GAB4: variants seen among roughly 807,000 people sequenced by gnomAD.
GAB4 encodes GRB2-associated-binding protein 4.
GAB4 carries 26 observed loss-of-function variants against 51.3 expected under a neutral mutation model. The observed-to-expected ratio is 0.51, with a 90% CI of 0.37 to 0.70. The LOEUF (loss-of-function observed/expected upper bound fraction) is 0.70. GAB4 is among the 30% of genes least tolerant of loss of function. GAB4 has a pLI of 0.00. For missense variants in GAB4, 759 were observed against 734.6 expected (o/e 1.03, Z -0.38); for synonymous variants, 329 against 291.2 (o/e 1.13, Z -1.32).
At chr22:16,985,430 C>A (rs2060859318) in intron 3 of GAB4, among the ~76,000 whole-genome samples, 1 of 152,318 alleles carries the variant, frequency 6.6e-6, no homozygotes, top group East Asian at 1.9e-4. Context: ...AATCTCAGTT[C>A]TTTCAAGAGT....
intron 3 of GAB4, among the ~76,000 whole-genome samples, chr22:16,985,326 G>A (rs2060858667): frequency 6.6e-6 from 1 of 152,218 alleles, no homozygotes; most frequent in Non-Finnish European, 1.5e-5. Flanking sequence ...TCTCTAAACT[G>A]TGGGTCAACT....
intron 3 of GAB4, among the ~76,000 whole-genome samples, chr22:16,976,386 C>T (rs4819930): frequency 0.81 from 123,021 of 152,164 alleles, 50,432 homozygotes; most frequent in African/African-American, 0.95. Flanking sequence ...CAAGTATCAA[C>T]AGACAAGTCC....
chr22:16,969,392 G>A (rs2060710514), intron 4 of GAB4, among the ~76,000 whole-genome samples: 2 of 152,250 alleles, frequency 1.3e-5, no homozygotes, highest in African/African-American at 4.8e-5. Flanking sequence ...CTCCCTTAGT[G>A]GAGGCCAAGT....
Position 16,964,824 on chromosome 22 carries a change from G to A in GAB4, c.1418C>T (p.Ser473Phe). 1 of 1,614,100 alleles carries A rather than the reference G, an allele frequency of 6.2e-7. No individual in the cohort carries two copies. The highest frequency in any genetic ancestry group is 2.2e-5 in the East Asian group (1 of 44,878). Residue 473 changes from serine to phenylalanine, a missense_variant, in exon 8 of 10, where the codon TCC (serine) becomes TTC (phenylalanine). Transcript: ENST00000400588. ...GTCTGTGTTGGTGATGCTCTGCGTG[G>A]AGATGGGGTGTTGGGAGGAGCTGGA... is the stretch of plus-strand genomic sequence containing the variant. ...FDSSSSQHPISTQSITNTDSE... is the reference protein window; with the variant it reads ...FDSSSSQHPIFTQSITNTDSE...
At chr22:16,995,430 G>A (rs956495963) in intron 1 of GAB4, among the ~76,000 whole-genome samples, 4 of 152,318 alleles carry the variant, frequency 2.6e-5, no homozygotes, top group African/African-American at 9.6e-5. Flanking sequence ...GAAGAGCACA[G>A]CGTATCTCCC....
At chr22:16,992,368 A>T (rs983087805) in intron 1 of GAB4, among the ~76,000 whole-genome samples, 192 bp from the exon 2 acceptor site, 1 of 152,248 alleles carries the variant, frequency 6.6e-6, no homozygotes, top group Non-Finnish European at 1.5e-5. Flanking sequence ...CTATGTCAAC[A>T]GAGTCTCATC....
At chr22:17,007,296 T>C (rs1272577100) in intron 1 of GAB4, among the ~76,000 whole-genome samples, 1 of 152,236 alleles carries the variant, frequency 6.6e-6, no homozygotes, top group Non-Finnish European at 1.5e-5. Context: ...TCTTCTTTTT[T>C]TCTAAATCGT....
rs1378896503 is a variant in GAB4 at position 16,964,574 on chromosome 22, AGACCATCATCTTCC to A, written c.1476+178_1476+191del. Among the ~76,000 whole-genome samples, 4 of 152,100 alleles carry A rather than the reference AGACCATCATCTTCC, an allele frequency of 2.6e-5. No individual in the cohort carries two copies. In the South Asian group the frequency reaches 8.3e-4, roughly 32 times the overall value. On this transcript the variant is annotated intron_variant, in intron 8 of 9. Transcript: ENST00000400588. The stretch of plus-strand genomic sequence containing the variant: ...TCAAGTTCCAGACTTCCTTGAGGGG[AGACCATCATCTTCC>A]TAACCCTAATGATTGCCTGATACAC...
In GAB4 at chr22:17,008,040, C is replaced by A; in HGVS notation, c.75G>T (p.Trp25Cys). ...TTCCGCCGGCGGGGCCACTTCCGGG[C>A]CACGAAGACAAAGGCGCAAATGCCG... is the stretch of plus-strand genomic sequence containing the variant. ...PDPAFAPLSS[W>C]PGSGPAGGST... The change falls in exon 1 of 10, where the codon TGG (tryptophan) becomes TGT (cysteine). Residue 25 changes from tryptophan to cysteine, a missense_variant. By Grantham distance (215) the Trp-to-Cys change is radical (BLOSUM62 -2). Around this residue, in one of 3 missense-constraint regions of GAB4, gnomAD observed 83 missense variants for 73.1 expected, o/e 1.14. Transcript: ENST00000400588. 1 of 1,608,600 alleles carries A rather than the reference C, an allele frequency of 6.2e-7. No individual in the cohort carries two copies. Among genetic ancestry groups the A allele is most frequent in the Admixed American group, 1.7e-5 (1 of 59,256 alleles).
At chr22:16,982,083 G>A (rs1473211029) in intron 3 of GAB4, among the ~76,000 whole-genome samples, 1 of 152,090 alleles carries the variant, frequency 6.6e-6, no homozygotes, top group Non-Finnish European at 1.5e-5. Flanking sequence ...GGCTTTACAT[G>A]CAAAACCCAC....
At position 16,987,986 on chromosome 22, in the gene GAB4, G is replaced by A. The variant is rs762662155; in HGVS notation, c.660C>T (p.His220=). ...TTGCATGTTCTGCTCTCTGGCTGGC[G>A]TGCTGGTGCGAGCGGAGACACCCCG... is the stretch of plus-strand genomic sequence containing the variant. ...APPGCLRSHQ[H]ASQRAEHARS... is the part of the protein sequence containing the mutation. The change falls in exon 3 of 10, where the codon CAC becomes CAT. Residue 220 remains histidine (H), a synonymous_variant. Transcript: ENST00000400588. 1.3e-5 allele frequency: 21 copies of A among 1,607,284 alleles called. No homozygotes were observed. Among genetic ancestry groups the A allele is most frequent in the Middle Eastern group, 1.9e-4 (1 of 5,336 alleles).
At chr22:16,990,325 T>A (rs2060903721) in intron 2 of GAB4, among the ~76,000 whole-genome samples, 1 of 152,190 alleles carries the variant, frequency 6.6e-6, no homozygotes, top group Non-Finnish European at 1.5e-5. Flanking sequence ...CAAAACTCAG[T>A]GAGGGCAGAG....
At chr22:16,992,692 T>C (rs2060923618) in intron 1 of GAB4, among the ~76,000 whole-genome samples, 2 of 152,234 alleles carry the variant, frequency 1.3e-5, no homozygotes, top group African/African-American at 4.8e-5. Flanking sequence ...GAAACCCTTC[T>C]AAAACTTCTC....
At position 16,966,367 on chromosome 22, in the gene GAB4, A is replaced by G. The variant is rs761360570; in HGVS notation, c.1024-3T>C. 6 of 1,610,032 alleles carry G rather than the reference A, an allele frequency of 3.7e-6. No homozygotes were observed. The South Asian group carries it at 4.4e-5, about 12-fold the overall frequency. On this transcript the variant is annotated splice_region_variant and splice_polypyrimidine_tract_variant and intron_variant, in intron 5 of 9. Coordinates refer to ENST00000400588, the MANE Select transcript of GAB4 (RefSeq NM_001037814.1). ...AGGCCCACAAGCGTTCTTCCTGGCT[A>G]GGAAGAGGACAGTGAAAGAAACACA... is the stretch of plus-strand genomic sequence containing the variant.
intron 3 of GAB4, among the ~76,000 whole-genome samples, chr22:16,980,850 C>T (rs527474449): frequency 6.6e-6 from 1 of 152,280 alleles, no homozygotes; most frequent in South Asian, 2.1e-4. Context: ...AGTTCACGTC[C>T]TTTGCAGGGA....
At position 16,962,530 on chromosome 22, in the gene GAB4, C is replaced by A. The variant is rs1433199991; in HGVS notation, c.*203G>T. 3.1e-5 allele frequency: 13 copies of A among 425,752 alleles called. No individual in the cohort carries two copies. Among genetic ancestry groups the A allele is most frequent in the African/African-American group, 6.0e-5 (3 of 49,610 alleles). 26.4% of individuals were successfully genotyped at this position (425,752 alleles called of 1,614,324 possible). A position where few individuals can be genotyped will look rare whatever the true frequency, so the allele number is the denominator to read the frequency against. ...GGAAGAGACTGAGGATGCTTGCTGG[C>A]AACTGCTCCTAGCAAGGGGGTGAAG... On this transcript the variant is annotated 3_prime_UTR_variant, in exon 10 of 10. Coordinates refer to ENST00000400588, the MANE Select transcript of GAB4 (RefSeq NM_001037814.1).
chr22:17,003,446 T>A (rs2061014721), intron 1 of GAB4, among the ~76,000 whole-genome samples: 1 of 152,124 alleles, frequency 6.6e-6, no homozygotes, highest in African/African-American at 2.4e-5. Context: ...AAAACACTCC[T>A]CAGCAAATGT....
At chr22:16,979,627 C>T in intron 3 of GAB4, among the ~76,000 whole-genome samples, 1 of 152,220 alleles carries the variant, frequency 6.6e-6, no homozygotes, top group Non-Finnish European at 1.5e-5. Context: ...CTATTCCCAT[C>T]AAGCTACCAT....
At chr22:16,992,375 C>T (rs940700431) in intron 1 of GAB4, among the ~76,000 whole-genome samples, 199 bp from the exon 2 acceptor site, 5 of 152,202 alleles carry the variant, frequency 3.3e-5, no homozygotes, top group Admixed American at 1.3e-4. Flanking sequence ...AACAGAGTCT[C>T]ATCACTACAA....
Sources: allele counts gnomAD v4.1 joint callset (sites outside exome capture counted in the v4.1 genomes callset), GRCh38; gene constraint gnomAD v4.1.1; regional missense constraint gnomAD v4.1.1; transcripts MANE v1.5; gene names NCBI Gene and HGNC (gene_info 2026-07-23, HGNC 2026-07-21).